Variants in AP1B1 observed in about 807,000 individuals in gnomAD.
The protein encoded by AP1B1 is adaptor related protein complex 1 subunit beta 1, also known as AP-1 complex subunit beta-1.
AP1B1 carries 36 observed loss-of-function variants against 104.3 expected under a neutral mutation model. The ratio of observed to expected loss-of-function variants is 0.35; its 90% CI spans 0.26 to 0.46. The LOEUF is 0.46. AP1B1 is among the 20% of genes least tolerant of loss of function. AP1B1 has a pLI of 1.00. For synonymous variants in AP1B1, 504 were observed against 517.5 expected, an observed-to-expected ratio of 0.97 and a Z score of 0.35; for missense variants, 901 against 1,247.9, an observed-to-expected ratio of 0.72 and a Z score of 4.19.
At chr22:29,371,993 T>C (rs1179791727) in intron 1 of AP1B1, among the ~76,000 whole-genome samples, 4 of 152,208 alleles carry the variant, frequency 2.6e-5, no homozygotes, top group Admixed American at 6.5e-5. Context: ...CTGGAACAAC[T>C]GGTTTCACCC....
rs1392845727 is a variant in AP1B1, at chr22:29,356,725, T to A, written c.526-109A>T. ...GAGGTCAAATATCCTGAAAGGAATA[T>A]GACCCAATGGGCAGGGTCTGGAGCT... On this transcript the variant is annotated intron_variant, in intron 5 of 22. Transcript: ENST00000357586. The A allele has an allele frequency of 3.7e-6, 4 of 1,074,348 alleles. No homozygotes were observed. The Admixed American group carries it at 6.6e-5, about 18-fold the overall frequency. 66.6% of individuals were successfully genotyped at this position (1,074,348 alleles called of 1,614,324 possible). A position where few individuals can be genotyped will look rare whatever the true frequency, so the allele number is the denominator to read the frequency against.
chr22:29,330,336 G>A, intron 21 of AP1B1, 42 bp downstream of exon 21: 3 of 1,608,920 alleles, frequency 1.9e-6, no homozygotes, highest in Middle Eastern at 1.7e-4. Flanking sequence ...ATGGGACGAA[G>A]GGGAGGCTCC....
At chr22:29,337,529 C>CT (rs1344719584) in intron 16 of AP1B1, among the ~76,000 whole-genome samples, 6 of 152,204 alleles carry the variant, frequency 3.9e-5, no homozygotes, top group Non-Finnish European at 8.8e-5. Context: ...GTCACTGCCC[C>CT]TGACCGCCAA....
chr22:29,329,885 G>A (rs1025712103), intron 21 of AP1B1, 165 bp from the exon 22 acceptor site: 55 of 1,461,988 alleles, frequency 3.8e-5, no homozygotes, highest in Non-Finnish European at 5.0e-5. Context: ...AGACTCAGGG[G>A]TGTGGGGGAG....
At chr22:29,358,076 C>T (rs944233672) in intron 5 of AP1B1, among the ~76,000 whole-genome samples, 4 of 152,204 alleles carry the variant, frequency 2.6e-5, no homozygotes, top group Admixed American at 2.0e-4. Context: ...GTACTGGCCG[C>T]TCAGTACTGT....
intron 1 of AP1B1, among the ~76,000 whole-genome samples, chr22:29,386,383 C>T (rs1195593300): frequency 2.6e-5 from 4 of 152,314 alleles, no homozygotes; most frequent in South Asian, 2.1e-4. Flanking sequence ...CACTGACCTA[C>T]ACTCAACAGA....
chr22:29,374,981 G>A (rs1423067330), intron 1 of AP1B1, among the ~76,000 whole-genome samples: 2 of 152,066 alleles, frequency 1.3e-5, no homozygotes, highest in African/African-American at 2.4e-5. Flanking sequence ...AACACAGTAA[G>A]ACCCCAACTC....
Position 29,377,299 on chromosome 22 carries a change from A to G in AP1B1, c.-27-10029T>C, listed in dbSNP as rs575091646. Among the ~76,000 whole-genome samples, 13 of 152,192 alleles carry G rather than the reference A, an allele frequency of 8.5e-5. No homozygotes were observed. In the South Asian group the frequency reaches 2.3e-3, roughly 27 times the overall value. ...AGGTAAGGCCAGCTGGAAGACTAAA[A>G]GGTGAGTCAGCAGTAGAAAAACCAG... On this transcript the variant is annotated intron_variant, in intron 1 of 22. Transcript: ENST00000357586.
Position 29,356,418 on chromosome 22 carries a change from C to G in AP1B1, c.716+8G>C, listed in dbSNP as rs1462922326. ...GCTGGGCTGGCAAGCAACGGGCAGC[C>G]CGCTCACCTCTGGGCCTCGCGGTCG... On this transcript the variant is annotated splice_region_variant and intron_variant, in intron 6 of 22. Coordinates refer to ENST00000357586, the MANE Select transcript of AP1B1 (RefSeq NM_001127.4). The G allele has an allele frequency of 1.9e-6, 3 of 1,603,608 alleles. No homozygotes were observed. The East Asian group carries it at 6.7e-5, about 36-fold the overall frequency.
At chr22:29,374,498 C>G (rs1437379096) in intron 1 of AP1B1, among the ~76,000 whole-genome samples, 2 of 152,170 alleles carry the variant, frequency 1.3e-5, no homozygotes, top group East Asian at 3.8e-4. Flanking sequence ...AGGATGTGGA[C>G]AGTTCACAGA....
intron 16 of AP1B1, among the ~76,000 whole-genome samples, chr22:29,338,173 G>C (rs530273275): frequency 6.6e-6 from 1 of 152,310 alleles, no homozygotes; most frequent in South Asian, 2.1e-4. Flanking sequence ...CCCACAACAA[G>C]CAACTGTCCT....
intron 11 of AP1B1, among the ~76,000 whole-genome samples, chr22:29,347,880 C>G (rs11913102): frequency 0.034 from 5,150 of 152,330 alleles, 273 homozygotes; most frequent in African/African-American, 0.12. Context: ...CCAGCTATGC[C>G]TGCAGATGTG....
At chr22:29,336,759 G>A (rs1244097208) in intron 16 of AP1B1, among the ~76,000 whole-genome samples, 2 of 148,118 alleles carry the variant, frequency 1.4e-5, no homozygotes, top group East Asian at 2.0e-4. Context: ...AGCTGAGATC[G>A]CACCATTGCA....
chr22:29,329,553 G>A, intron 22 of AP1B1, 159 bp downstream of exon 22: 2 of 1,489,950 alleles, frequency 1.3e-6, no homozygotes, highest in South Asian at 1.4e-5. Flanking sequence ...GTGTGGAAGT[G>A]GGGTGTCAGC....
chr22:29,331,853 C>T lies in AP1B1; in HGVS notation c.2373G>A (p.Val791=), dbSNP rs1231008644. The T allele has an allele frequency of 1.2e-6, 2 of 1,614,086 alleles. No homozygotes were observed. Among genetic ancestry groups the T allele is most frequent in the East Asian group, 2.2e-5 (1 of 44,878 alleles). The change falls in exon 18 of 23, where the codon GTG becomes GTA. Residue 791 remains valine (V), a synonymous_variant. Transcript: ENST00000357586. ...VHAPLSPNQT[V]EISLPLSTVG... is the part of the protein sequence containing the mutation. ...CCGTGCTGAGAGGCAGGGAGATCTC[C>T]ACTGTCTGGTTGGGGCTGAGTGGCG...
At chr22:29,340,571 G>A (rs766435687) in intron 14 of AP1B1, 85 bp downstream of exon 14, 191 of 1,350,930 alleles carry the variant, frequency 1.4e-4, no homozygotes, top group Non-Finnish European at 1.8e-4. Context: ...GAGGCACTCA[G>A]CTGGTGCCTG....
At position 29,356,503 on chromosome 22, in the gene AP1B1, C is replaced by T; in HGVS notation, c.639G>A (p.Glu213=). Residue 213 remains glutamate, a synonymous_variant, in exon 6 of 23, where the codon GAG becomes GAA. Transcript: ENST00000357586. ...SINKLLTALN[E]CTEWGQIFIL... is the part of the protein sequence containing the mutation. ...TGAAGATCTGGCCCCACTCGGTGCA[C>T]TCATTGAGGGCTGTCAGCAGCTTGT... The T allele has an allele frequency of 6.2e-7, 1 of 1,614,206 alleles. No individual in the cohort carries two copies. Among genetic ancestry groups the T allele is most frequent in the Non-Finnish European group, 8.5e-7 (1 of 1,180,030 alleles).
chr22:29,335,923 G>C (rs913792302), intron 16 of AP1B1, among the ~76,000 whole-genome samples: 1 of 152,144 alleles, frequency 6.6e-6, no homozygotes, highest in African/African-American at 2.4e-5. Flanking sequence ...GAACCTGACC[G>C]GGGGGCATGG....
In AP1B1 at chr22:29,328,707, A is replaced by G; in HGVS notation, c.*114T>C. On this transcript the variant is annotated 3_prime_UTR_variant, in exon 23 of 23. Coordinates refer to ENST00000357586, the MANE Select transcript of AP1B1 (RefSeq NM_001127.4). This position sits in a 1 kb window ranked among gnomAD's most constrained non-coding sequence, Gnocchi z 4.1. ...TTCTGCCATCAGGACCAGGGAGCCC[A>G]CTGAGTGGCCTGGAGCCCCGCCTGG... The G allele has an allele frequency of 7.5e-7, 1 of 1,337,772 alleles. No homozygotes were observed. The highest frequency in any genetic ancestry group is 1.0e-6 in the Non-Finnish European group (1 of 984,206). 82.9% of individuals were successfully genotyped at this position (1,337,772 alleles called of 1,614,324 possible).
Sources: allele counts gnomAD v4.1 joint callset (sites outside exome capture counted in the v4.1 genomes callset), GRCh38; gene constraint gnomAD v4.1.1; non-coding constraint Gnocchi (gnomAD v3.1); transcripts MANE v1.5; gene names NCBI Gene and HGNC (gene_info 2026-07-23, HGNC 2026-07-21).